ELP4: variants seen among roughly 807,000 people sequenced by gnomAD.
ELP4 encodes the protein elongator complex protein 4.
ELP4 carries 51 observed loss-of-function variants against 48.9 expected under a neutral mutation model. The ratio of observed to expected loss-of-function variants is 1.04; its 90% CI spans 0.83 to 1.32. ELP4 has a LOEUF of 1.32. ELP4 is among the 40% of genes most tolerant of loss of function. The probability of loss-of-function intolerance (pLI) is 0.00; values close to 1 mark genes in which losing one functional copy is unlikely to be tolerated. For synonymous variants in ELP4, 210 were observed against 189.2 expected (o/e 1.11, Z -0.90); for missense variants, 519 against 514.6 (o/e 1.01, Z -0.08).
rs1175075934 is a variant in ELP4, at chr11:31,706,596, T to G, written c.1143+56375T>G. 4.7e-5 allele frequency among the ~76,000 whole-genome samples: 7 copies of G among 148,098 alleles called. No homozygotes were observed. In the South Asian group the frequency reaches 8.3e-4, roughly 18 times the overall value. On this transcript the variant is annotated intron_variant, in intron 9 of 9. Transcript: ENST00000640961. ...ATTAATAATTAATGATATATTTAAT[T>G]TAATTAATTTTATATATTTATATAT... is the stretch of plus-strand genomic sequence containing the variant.
chr11:31,596,127 G>C (rs996579998), intron 4 of ELP4, among the ~76,000 whole-genome samples: 1 of 152,036 alleles, frequency 6.6e-6, no homozygotes, highest in African/African-American at 2.4e-5. Flanking sequence ...TCTCTGGGTT[G>C]GGTGCAGTGG....
In ELP4 at chr11:31,784,116, A is replaced by G. The variant is rs1948437328; in HGVS notation, c.*592A>G. ...AGAACTTCAGTGATAGGAAACATAG[A>G]AAAAAGAAGTGGATGGTCTTTAGTT... On this transcript the variant is annotated 3_prime_UTR_variant, in exon 10 of 10. Transcript: ENST00000640961. 2.0e-5 allele frequency: 3 copies of G among 152,224 alleles called. 1 individual carries two copies. The highest frequency in any genetic ancestry group is 2.0e-4 in the Admixed American group (3 of 15,292). The allele number at this position is 152,224 out of a possible 1,614,324, so 9.4% of individuals were successfully genotyped here.
At chr11:31,613,353 G>A (rs1000383373) in intron 5 of ELP4, among the ~76,000 whole-genome samples, 1 of 152,054 alleles carries the variant, frequency 6.6e-6, no homozygotes, top group African/African-American at 2.4e-5. Context: ...GCTCATGAAA[G>A]ACTGCAAACT....
At chr11:31,770,168 C>T (rs967998193) in intron 9 of ELP4, among the ~76,000 whole-genome samples, 3 of 152,238 alleles carry the variant, frequency 2.0e-5, no homozygotes, top group East Asian at 1.9e-4. Flanking sequence ...TTATATGCTC[C>T]GGCCTGTATT....
intron 7 of ELP4, among the ~76,000 whole-genome samples, chr11:31,643,371 T>G (rs1945138094): frequency 6.6e-6 from 1 of 151,878 alleles, no homozygotes; most frequent in South Asian, 2.1e-4. Flanking sequence ...TTATGTTGAT[T>G]GATTTACCCC....
At chr11:31,614,066 T>C (rs1958033045) in intron 5 of ELP4, among the ~76,000 whole-genome samples, 1 of 152,130 alleles carries the variant, frequency 6.6e-6, no homozygotes, top group Non-Finnish European at 1.5e-5. Context: ...ATGGGCCTAA[T>C]CATTTGGTAA....
At chr11:31,558,687 T>C (rs1467080378) in intron 3 of ELP4, among the ~76,000 whole-genome samples, 1 of 152,156 alleles carries the variant, frequency 6.6e-6, no homozygotes, top group African/African-American at 2.4e-5. Context: ...CCTACCTTAT[T>C]CCGGAGTTCC....
intron 9 of ELP4, among the ~76,000 whole-genome samples, chr11:31,709,525 A>G (rs1565122255): frequency 1.3e-5 from 2 of 152,158 alleles, no homozygotes; most frequent in African/African-American, 2.4e-5. Context: ...TCCCCAAGAA[A>G]GAGTTTATCG....
chr11:31,619,416 T>C (rs1287634079), intron 5 of ELP4, among the ~76,000 whole-genome samples: 1 of 151,938 alleles, frequency 6.6e-6, no homozygotes, highest in Non-Finnish European at 1.5e-5. Context: ...AGCTTATAAA[T>C]AACAGAAATG....
intron 9 of ELP4, among the ~76,000 whole-genome samples, chr11:31,697,913 C>A (rs897540126): frequency 2.6e-5 from 4 of 151,722 alleles, no homozygotes; most frequent in African/African-American, 7.3e-5. Flanking sequence ...TAAAAAAAAA[C>A]CCATTGAACT....
At chr11:31,654,363 A>G (rs147959768) in intron 9 of ELP4, 2 of 151,946 alleles carry the variant, frequency 1.3e-5, no homozygotes, top group East Asian at 3.9e-4. Context: ...GTCAAAGTAA[A>G]TCATGTTTAC....
chr11:31,772,633 T>C (rs7925498), intron 9 of ELP4, among the ~76,000 whole-genome samples: 3,404 of 152,274 alleles, frequency 0.022, 119 homozygotes, highest in African/African-American at 0.077. Flanking sequence ...TCAAATTCCA[T>C]TGGAATACAC....
At chr11:31,641,256 A>C (rs1349585373) in intron 7 of ELP4, among the ~76,000 whole-genome samples, 1 of 151,614 alleles carries the variant, frequency 6.6e-6, no homozygotes, top group African/African-American at 2.4e-5. Flanking sequence ...TGTATAGTTG[A>C]TTTATATGGT....
At chr11:31,630,014 C>T (rs1944827557) in intron 6 of ELP4, among the ~76,000 whole-genome samples, 1 of 151,976 alleles carries the variant, frequency 6.6e-6, no homozygotes, top group Non-Finnish European at 1.5e-5. Flanking sequence ...CCTGGTACAT[C>T]TCATTACTTC....
chr11:31,787,478 G>A lies in ELP4; in HGVS notation c.*3954G>A, dbSNP rs1948744317. 1 of 233,164 alleles carries A rather than the reference G, an allele frequency of 4.3e-6. No individual in the cohort carries two copies. The highest frequency in any genetic ancestry group is 2.2e-5 in the African/African-American group (1 of 45,356). 14.4% of individuals were successfully genotyped at this position (233,164 alleles called of 1,614,324 possible). The stretch of plus-strand genomic sequence containing the variant: ...AATTACAGCCAGCGAGAAGGAAGAA[G>A]TAAGCCAGCCAGCAGCTGTGGCATG... On this transcript the variant is annotated 3_prime_UTR_variant, in exon 10 of 10. Coordinates refer to ENST00000640961, the MANE Select transcript of ELP4 (RefSeq NM_019040.5).
intron 2 of ELP4, among the ~76,000 whole-genome samples, chr11:31,530,155 C>T (rs1399109139): frequency 1.3e-5 from 2 of 152,110 alleles, no homozygotes; most frequent in Non-Finnish European, 2.9e-5. Context: ...AAGTCACAAG[C>T]CTTAGTGGAA....
At chr11:31,594,946 GT>G (rs747658992) in intron 4 of ELP4, 45 bp downstream of exon 4, 10 of 1,510,832 alleles carry the variant, frequency 6.6e-6, no homozygotes, top group Non-Finnish European at 8.8e-6. Context: ...AAATGCATTT[GT>G]TTTCATCTTA....
At chr11:31,607,368 G>C (rs1957895193) in intron 5 of ELP4, among the ~76,000 whole-genome samples, 1 of 152,300 alleles carries the variant, frequency 6.6e-6, no homozygotes, top group Non-Finnish European at 1.5e-5. Context: ...AAATAAAAGT[G>C]TTGGCAGGTG....
intron 3 of ELP4, among the ~76,000 whole-genome samples, chr11:31,572,465 T>C (rs1375950799): frequency 6.6e-6 from 1 of 152,216 alleles, no homozygotes; most frequent in Non-Finnish European, 1.5e-5. Context: ...AGTTGCTCAT[T>C]GTCATGTCAC....
Sources: allele counts gnomAD v4.1 joint callset (sites outside exome capture counted in the v4.1 genomes callset), GRCh38; gene constraint gnomAD v4.1.1; transcripts MANE v1.5; gene names NCBI Gene and HGNC (gene_info 2026-07-23, HGNC 2026-07-21).